The following SP140L variants were observed in gnomAD, a reference collection of about 807,000 sequenced individuals.
SP140L encodes SP140 like nuclear body protein, also known as nuclear body protein SP140-like protein.
SP140L carries 64 observed loss-of-function variants against 84.3 expected under a neutral mutation model. That is an observed-to-expected ratio of 0.76 (90% CI 0.62 to 0.94). The LOEUF (loss-of-function observed/expected upper bound fraction) is 0.94, where lower values mean the gene tolerates loss of function less well. Among genes scored for constraint, SP140L ranks in the 40% least tolerant of loss-of-function variants. SP140L has a pLI of 0.00. For synonymous variants in SP140L, 242 were observed against 236.9 expected (o/e 1.02, Z -0.20); for missense variants, 628 against 692.5 (o/e 0.91, Z 1.05).
chr2:230,398,709 T>C (rs2062171236), intron 14 of SP140L, among the ~76,000 whole-genome samples: 1 of 152,192 alleles, frequency 6.6e-6, no homozygotes, highest in African/African-American at 2.4e-5. Flanking sequence ...GAAATGAATT[T>C]AGAGAGCTGG....
intron 2 of SP140L, among the ~76,000 whole-genome samples, chr2:230,334,204 T>A (rs2059803620): frequency 6.6e-6 from 1 of 152,244 alleles, no homozygotes; most frequent in South Asian, 2.1e-4. Context: ...CTCTAATTAC[T>A]AACCACTTCC....
At chr2:230,371,362 G>C (rs899573760) in intron 6 of SP140L, among the ~76,000 whole-genome samples, 26 of 152,102 alleles carry the variant, frequency 1.7e-4, no homozygotes, top group African/African-American at 5.6e-4. Context: ...TAATTGTCAG[G>C]GGGGAAGACT....
At chr2:230,329,015 T>G (rs2059654755) in intron 2 of SP140L, among the ~76,000 whole-genome samples, 184 bp downstream of exon 2, 1 of 152,224 alleles carries the variant, frequency 6.6e-6, no homozygotes, top group African/African-American at 2.4e-5. Context: ...TCACTAAATA[T>G]TCTGCAAAGT....
chr2:230,349,129 A>G (rs1001215630), intron 2 of SP140L, among the ~76,000 whole-genome samples: 1 of 152,174 alleles, frequency 6.6e-6, no homozygotes, highest in African/African-American at 2.4e-5. Flanking sequence ...GTATTTGTTG[A>G]AAAGACTATC....
intron 2 of SP140L, among the ~76,000 whole-genome samples, chr2:230,339,769 G>A (rs1353974206): frequency 2.9e-5 from 4 of 140,054 alleles, no homozygotes; most frequent in African/African-American, 1.1e-4. Flanking sequence ...TAGTCATTCA[G>A]GAGCAGGTTG....
rs1275016180 is a variant in SP140L, at chr2:230,339,078, T to C, written c.107+10247T>C. Among the ~76,000 whole-genome samples the C allele has an allele frequency of 4.2e-5, 6 of 141,834 alleles. No homozygotes were observed. The East Asian group carries it at 1.0e-3, about 25-fold the overall frequency. The allele number at this position is 141,834 out of a possible 152,430, so 93.0% of individuals were successfully genotyped here. A position where few individuals can be genotyped will look rare whatever the true frequency, so the allele number is the denominator to read the frequency against. ...ATAGTTTCAGAAGGAATGGTACCAG[T>C]TCCTCCTTGTACCTCTGGTAGAATT... On this transcript the variant is annotated intron_variant, in intron 2 of 18. Coordinates refer to ENST00000415673, the MANE Select transcript of SP140L (RefSeq NM_138402.6).
intron 7 of SP140L, 137 bp from the exon 8 acceptor site, chr2:230,383,373 C>A: frequency 2.4e-6 from 2 of 822,346 alleles, no homozygotes; most frequent in South Asian, 2.0e-5. Context: ...TTCCACACTG[C>A]TACACTGATC....
At chr2:230,370,649 A>G (rs1396365501) in intron 5 of SP140L, among the ~76,000 whole-genome samples, 1 of 152,190 alleles carries the variant, frequency 6.6e-6, no homozygotes, top group Non-Finnish European at 1.5e-5. Flanking sequence ...ACTTAAAAAT[A>G]TTAAAAACAG....
intron 15 of SP140L, 118 bp downstream of exon 15, chr2:230,400,360 A>C (rs898185226): frequency 1.0e-6 from 1 of 981,442 alleles, no homozygotes; most frequent in African/African-American, 1.6e-5. Context: ...TTCATCGGGT[A>C]CTGGGACCCA....
chr2:230,331,417 C>T (rs16827136), intron 2 of SP140L, among the ~76,000 whole-genome samples: 1 of 152,076 alleles, frequency 6.6e-6, no homozygotes, highest in Non-Finnish European at 1.5e-5. Context: ...GTACTAAATT[C>T]TCTCTTACAT....
At chr2:230,333,192 C>T (rs2059774177) in intron 2 of SP140L, among the ~76,000 whole-genome samples, 1 of 150,396 alleles carries the variant, frequency 6.6e-6, no homozygotes, top group Admixed American at 6.6e-5. Context: ...TGGAGTCTCG[C>T]TCTTTCTCCA....
intron 14 of SP140L, among the ~76,000 whole-genome samples, chr2:230,397,628 A>ACTCCAGG (rs1352046655): frequency 5.9e-5 from 9 of 152,330 alleles, no homozygotes; most frequent in African/African-American, 2.2e-4. Context: ...ATTTTAGGCA[A>ACTCCAGG]GGTCACCTTC....
intron 2 of SP140L, among the ~76,000 whole-genome samples, chr2:230,356,783 A>G (rs2060562364): frequency 6.6e-6 from 1 of 152,008 alleles, no homozygotes; most frequent in South Asian, 2.1e-4. Flanking sequence ...TTTTCTGACC[A>G]CTTTTTGTCT....
chr2:230,358,929 T>A (rs1420841359), intron 3 of SP140L, 35 bp from the exon 4 acceptor site: 1 of 1,513,782 alleles, frequency 6.6e-7, no homozygotes, highest in African/African-American at 1.4e-5. Context: ...CTTGAAAGTC[T>A]GTATTTGTAT....
Position 230,402,834 on chromosome 2 carries a change from G to A in SP140L, c.1681G>A (p.Ala561Thr). Reference protein sequence around the residue: ...DFGQMGLRLEAEFEKDFKEVF... With the variant: ...DFGQMGLRLETEFEKDFKEVF... Reference sequence around the variant, plus strand: ...TGGCCAAATGGGACTTAGACTGGAGGCTGAATTTGAGAAGGATTTCAAGGA... The same window carrying A: ...TGGCCAAATGGGACTTAGACTGGAGACTGAATTTGAGAAGGATTTCAAGGA... Residue 561 changes from alanine to threonine, a missense_variant, in exon 19 of 19, where the codon GCT (alanine) becomes ACT (threonine). Around this residue, in one of 4 missense-constraint regions of SP140L, gnomAD observed 44 missense variants for 36.1 expected, o/e 1.22. Coordinates refer to ENST00000415673, the MANE Select transcript of SP140L (RefSeq NM_138402.6). 6.2e-7 allele frequency: 1 copy of A among 1,612,952 alleles called. No homozygotes were observed. The highest frequency in any genetic ancestry group is 1.1e-5 in the South Asian group (1 of 90,708).
At chr2:230,402,563 C>CA (rs1479020635) in intron 18 of SP140L, among the ~76,000 whole-genome samples, 1 of 152,172 alleles carries the variant, frequency 6.6e-6, no homozygotes, top group Non-Finnish European at 1.5e-5. Flanking sequence ...GTTCTCACCA[C>CA]AAAAAATGAT....
chr2:230,401,213 C>CA (rs1305792080), intron 16 of SP140L, 150 bp downstream of exon 16: 4 of 683,210 alleles, frequency 5.9e-6, no homozygotes, highest in African/African-American at 1.9e-5. Flanking sequence ...CTTGTTTGCA[C>CA]AAAAAATAAC....
intron 7 of SP140L, among the ~76,000 whole-genome samples, chr2:230,374,087 G>A (rs1211480175): frequency 1.3e-5 from 2 of 152,112 alleles, no homozygotes; most frequent in African/African-American, 4.8e-5. Context: ...AGGCCAAGGC[G>A]GGCAGATCAC....
intron 7 of SP140L, among the ~76,000 whole-genome samples, chr2:230,377,967 A>G (rs72994332): frequency 0.25 from 37,900 of 152,008 alleles, 5,227 homozygotes; most frequent in Non-Finnish European, 0.3. Flanking sequence ...TCTATAACCC[A>G]TTTTGAGTTA....
Sources: allele counts gnomAD v4.1 joint callset (sites outside exome capture counted in the v4.1 genomes callset), GRCh38; gene constraint gnomAD v4.1.1; regional missense constraint gnomAD v4.1.1; transcripts MANE v1.5; gene names NCBI Gene and HGNC (gene_info 2026-07-23, HGNC 2026-07-21).